The following NAALADL2 variants were observed in gnomAD, a reference collection of about 807,000 sequenced individuals.
NAALADL2 encodes inactive N-acetylated-alpha-linked acidic dipeptidase-like protein 2.
In NAALADL2, 76 loss-of-function variants were observed where a neutral mutation model predicts 87.2. The ratio of observed to expected loss-of-function variants is 0.87; its 90% CI spans 0.72 to 1.05. NAALADL2 has a LOEUF of 1.05. Among genes scored for constraint, NAALADL2 ranks in the 50% least tolerant of loss-of-function variants. The pLI, the probability that NAALADL2 is intolerant of heterozygous loss-of-function variation, is 0.00. For synonymous variants in NAALADL2, 354 were observed against 331.0 expected (o/e 1.07, Z -0.75); for missense variants, 1,089 against 945.8 (o/e 1.15, Z -1.99).
chr3:175,218,471 C>CT (rs770503114), intron 2 of NAALADL2, among the ~76,000 whole-genome samples: 1 of 148,422 alleles, frequency 6.7e-6, no homozygotes, highest in Non-Finnish European at 1.5e-5. Context: ...GTTTTAAACT[C>CT]TTTTTTTATC....
intron 1 of NAALADL2, among the ~76,000 whole-genome samples, chr3:175,039,565 G>A (rs774657149): frequency 1.1e-4 from 17 of 152,102 alleles, no homozygotes; most frequent in Admixed American, 3.3e-4. Context: ...AGTCTCCTTC[G>A]TAGTTGATCA....
intron 1 of NAALADL2, among the ~76,000 whole-genome samples, chr3:174,962,174 C>T (rs1742107530): frequency 6.6e-6 from 1 of 151,598 alleles, no homozygotes; most frequent in Non-Finnish European, 1.5e-5. Context: ...CTGTGCAGAT[C>T]CTAGGGCCAC....
At chr3:175,202,394 T>C (rs777472796) in intron 2 of NAALADL2, among the ~76,000 whole-genome samples, 1 of 152,028 alleles carries the variant, frequency 6.6e-6, no homozygotes, top group Non-Finnish European at 1.5e-5. Context: ...GATGGTGAGG[T>C]GGGTATGCTC....
intron 9 of NAALADL2, among the ~76,000 whole-genome samples, chr3:175,473,196 A>T (rs1010814212): frequency 6.6e-6 from 1 of 152,120 alleles, no homozygotes; most frequent in Non-Finnish European, 1.5e-5. Flanking sequence ...CAGGACTAAA[A>T]TATTTCAGTA....
chr3:175,709,901 G>A (rs531539059), intron 11 of NAALADL2, among the ~76,000 whole-genome samples: 1 of 152,216 alleles, frequency 6.6e-6, no homozygotes, highest in East Asian at 1.9e-4. Context: ...AGTGAGGTTG[G>A]AAGTTTGATG....
intron 2 of NAALADL2, among the ~76,000 whole-genome samples, chr3:175,227,995 C>G (rs1203724213): frequency 2.0e-5 from 3 of 151,806 alleles, no homozygotes; most frequent in South Asian, 2.1e-4. Flanking sequence ...TGAAATATTG[C>G]CACTGTTTAT....
chr3:175,542,794 T>A (rs919633862), intron 9 of NAALADL2, among the ~76,000 whole-genome samples: 5 of 152,242 alleles, frequency 3.3e-5, no homozygotes, highest in Non-Finnish European at 5.9e-5. Flanking sequence ...GCCAACTGTA[T>A]GTTAATTCTG....
Position 175,501,414 on chromosome 3 carries a change from A to G in NAALADL2, c.1653+29656A>G, listed in dbSNP as rs530618857. Reference sequence around the variant, plus strand: ...GTTATCAAAAGGGAACATCTTTTCCATACGTTTTAGACACACACACACACA... The same window carrying G: ...GTTATCAAAAGGGAACATCTTTTCCGTACGTTTTAGACACACACACACACA... On this transcript the variant is annotated intron_variant, in intron 9 of 13. Coordinates refer to ENST00000454872, the MANE Select transcript of NAALADL2 (RefSeq NM_207015.3). Among the ~76,000 whole-genome samples the G allele has an allele frequency of 1.3e-3, 45 of 33,620 alleles. 1 individual carries two copies. The highest frequency in any genetic ancestry group is 1.9e-3 in the Non-Finnish European group (32 of 16,722). 22.1% of individuals were successfully genotyped at this position (33,620 alleles called of 152,430 possible). A position where few individuals can be genotyped will look rare whatever the true frequency, so the allele number is the denominator to read the frequency against.
At chr3:174,855,236 A>G (rs935677911), upstream of NAALADL2, among the ~76,000 whole-genome samples, 1 of 152,172 alleles carries the variant, frequency 6.6e-6, no homozygotes, top group African/African-American at 2.4e-5. Flanking sequence ...ACATTTTGAC[A>G]GCTATGATGT....
chr3:175,319,380 A>G (rs1759550924), intron 4 of NAALADL2, among the ~76,000 whole-genome samples: 1 of 152,250 alleles, frequency 6.6e-6, no homozygotes, highest in African/African-American at 2.4e-5. Context: ...AGGACTAGAA[A>G]AAATGCCATT....
intron 10 of NAALADL2, among the ~76,000 whole-genome samples, chr3:175,602,165 A>G (rs1354403385): frequency 6.6e-6 from 1 of 152,176 alleles, no homozygotes; most frequent in Non-Finnish European, 1.5e-5. Flanking sequence ...TATTGTAACT[A>G]TTGATAGAAG....
chr3:174,946,519 A>G (rs1009402491), intron 1 of NAALADL2, among the ~76,000 whole-genome samples: 12 of 152,230 alleles, frequency 7.9e-5, no homozygotes, highest in African/African-American at 2.7e-4. Context: ...ATATGAGGCA[A>G]TACTTTTAAA....
rs117950277 is a variant in NAALADL2 at position 174,648,488 on chromosome 3, C to T, written c.-114-89153C>T. Reference sequence around the variant, plus strand: ...AGATATGGGAGGGGGCTACTGTAAACAAAAATCTATGCTAAGTATATATTT... The same window carrying T: ...AGATATGGGAGGGGGCTACTGTAAATAAAAATCTATGCTAAGTATATATTT... On this transcript the variant is annotated intron_variant, in intron 2 of 3. Coordinates refer to the NAALADL2 transcript ENST00000434257. Among the ~76,000 whole-genome samples the T allele has an allele frequency of 2.4e-3, 370 of 152,156 alleles. 3 individuals are homozygous for T. The East Asian group carries it at 0.041, about 17-fold the overall frequency.
chr3:175,352,876 G>A (rs1160155738), intron 5 of NAALADL2, among the ~76,000 whole-genome samples: 3 of 151,636 alleles, frequency 2.0e-5, no homozygotes, highest in Non-Finnish European at 2.9e-5. Flanking sequence ...AGAATCTTTC[G>A]TCCAACGTGA....
intron 2 of NAALADL2, among the ~76,000 whole-genome samples, chr3:175,119,720 GTAAA>G (rs1725841658): frequency 4.1e-5 from 2 of 48,592 alleles, no homozygotes; most frequent in Admixed American, 1.9e-4. Flanking sequence ...GATATATAAT[GTAAA>G]ATAAGAATAG....
At chr3:174,982,732 T>C (rs1171643248) in intron 1 of NAALADL2, among the ~76,000 whole-genome samples, 1 of 152,228 alleles carries the variant, frequency 6.6e-6, no homozygotes, top group Non-Finnish European at 1.5e-5. Context: ...TCAAATTATA[T>C]GCAAAGCTAT....
At chr3:174,667,333 A>G (rs1046050721) in intron 2 of NAALADL2, among the ~76,000 whole-genome samples, 7 of 152,094 alleles carry the variant, frequency 4.6e-5, no homozygotes, top group African/African-American at 7.2e-5. Context: ...GGGAAGAAGC[A>G]AGGGTTTCCT....
chr3:175,630,739 A>G (rs1727646369), intron 11 of NAALADL2, among the ~76,000 whole-genome samples: 1 of 151,690 alleles, frequency 6.6e-6, no homozygotes. Flanking sequence ...TCACAGGTAT[A>G]GTATGCTTCT....
At chr3:174,662,960 A>C (rs1725642989) in intron 2 of NAALADL2, among the ~76,000 whole-genome samples, 1 of 152,222 alleles carries the variant, frequency 6.6e-6, no homozygotes, top group Non-Finnish European at 1.5e-5. Context: ...TCTATCAAAC[A>C]AAGCAGGGAG....
Sources: gnomAD v4.1 joint callset for allele counts (sites outside exome capture counted in the v4.1 genomes callset) on GRCh38, gnomAD v4.1.1 for gene constraint, MANE v1.5 for transcripts, NCBI Gene and HGNC (gene_info 2026-07-23, HGNC 2026-07-21) for gene names.